Variants in OSBPL3 observed in about 807,000 individuals in gnomAD.
The protein encoded by OSBPL3 is oxysterol-binding protein-related protein 3.
OSBPL3 carries 65 observed loss-of-function variants against 120.1 expected under a neutral mutation model. The observed-to-expected ratio is 0.54, with a 90% CI of 0.44 to 0.67. The LOEUF (loss-of-function observed/expected upper bound fraction) is 0.67. Among genes scored for constraint, OSBPL3 ranks in the 30% least tolerant of loss-of-function variants. The pLI is 0.00. For missense variants in OSBPL3, 1,004 were observed against 1,082.1 expected (o/e 0.93, Z 1.01); for synonymous variants, 416 against 402.6 (o/e 1.03, Z -0.40).
Position 24,918,185 on chromosome 7 carries a change from A to G in OSBPL3, c.-149-25564T>C, listed in dbSNP as rs975899455. 1 of 413,636 alleles carries G rather than the reference A, an allele frequency of 2.4e-6. No individual in the cohort carries two copies. Among genetic ancestry groups the G allele is most frequent in the Non-Finnish European group, 3.3e-6 (1 of 307,446 alleles). The allele number at this position is 413,636 out of a possible 1,614,324, so 25.6% of individuals were successfully genotyped here. A position where few individuals can be genotyped will look rare whatever the true frequency, so the allele number is the denominator to read the frequency against. On this transcript the variant is annotated intron_variant, in intron 1 of 22. Coordinates refer to ENST00000313367, the MANE Select transcript of OSBPL3 (RefSeq NM_015550.4). The surrounding 1 kb of genome is among the most constrained non-coding windows in gnomAD (Gnocchi z 4.3). Reference sequence around the variant, plus strand: ...GTTTCATGTACAGACCTGAGAGGTCAAGAGAGTCATGAGAAACTGACCATC... The same window carrying G: ...GTTTCATGTACAGACCTGAGAGGTCGAGAGAGTCATGAGAAACTGACCATC...
chr7:24,810,709 C>A (rs977382615), intron 19 of OSBPL3, among the ~76,000 whole-genome samples: 1 of 152,140 alleles, frequency 6.6e-6, no homozygotes, highest in African/African-American at 2.4e-5. Flanking sequence ...CCTGGCAAAC[C>A]CATATCAACC....
At chr7:24,846,544 T>C (rs1798471329) in intron 12 of OSBPL3, among the ~76,000 whole-genome samples, 1 of 152,222 alleles carries the variant, frequency 6.6e-6, no homozygotes, top group African/African-American at 2.4e-5. Context: ...TAAATGGACA[T>C]TGGATGTAGT....
rs1795210567 is a variant in OSBPL3, at chr7:24,822,210, T to C, written c.1885-1972A>G. 6.6e-6 allele frequency among the ~76,000 whole-genome samples: 1 copy of C among 152,184 alleles called. No individual in the cohort carries two copies. Among genetic ancestry groups the C allele is most frequent in the Non-Finnish European group, 1.5e-5 (1 of 68,036 alleles). ...AAAAATCCTACCACTTGGAGATACC[T>C]TATATTAAAAAATGCTACATTCTTC... On this transcript the variant is annotated intron_variant, in intron 16 of 22. Coordinates refer to ENST00000313367, the MANE Select transcript of OSBPL3 (RefSeq NM_015550.4). The surrounding 1 kb of genome is among the most constrained non-coding windows in gnomAD (Gnocchi z 5.8).
At position 24,822,089 on chromosome 7, in the gene OSBPL3, G is replaced by A. The variant is rs1248220352; in HGVS notation, c.1885-1851C>T. Among the ~76,000 whole-genome samples, 1 of 152,072 alleles carries A rather than the reference G, an allele frequency of 6.6e-6. No individual in the cohort carries two copies. Among genetic ancestry groups the A allele is most frequent in the Non-Finnish European group, 1.5e-5 (1 of 68,022 alleles). ...GGGTCATGCTATGTTGCCCAGACTG[G>A]TCCGGAACTCCTGGCCTCAAGTGAT... On this transcript the variant is annotated intron_variant, in intron 16 of 22. Transcript: ENST00000313367. This position sits in a 1 kb window ranked among gnomAD's most constrained non-coding sequence, Gnocchi z 5.8.
At position 24,813,257 on chromosome 7, in the gene OSBPL3, G is replaced by A. The variant is rs1038742147; in HGVS notation, c.2172+1802C>T. On this transcript the variant is annotated intron_variant, in intron 19 of 22. Transcript: ENST00000313367. This position sits in a 1 kb window ranked among gnomAD's most constrained non-coding sequence, Gnocchi z 4.5. ...ACAAATCCAGTGCTGAGAATTTGCT[G>A]GAAGCCACCAAGGGACACTGTCACC... Among the ~76,000 whole-genome samples, 12 of 152,100 alleles carry A rather than the reference G, an allele frequency of 7.9e-5. No homozygotes were observed. Among genetic ancestry groups the A allele is most frequent in the Admixed American group, 7.9e-4 (12 of 15,278 alleles).
At chr7:24,979,689 T>A (rs1818029840) in intron 1 of OSBPL3, among the ~76,000 whole-genome samples, 197 bp downstream of exon 1, 1 of 151,868 alleles carries the variant, frequency 6.6e-6, no homozygotes, top group Admixed American at 6.5e-5. Context: ...GGGTCCTCCT[T>A]CCCCGGGAGC....
At chr7:24,902,525 C>G (rs1807189655) in intron 1 of OSBPL3, among the ~76,000 whole-genome samples, 1 of 152,004 alleles carries the variant, frequency 6.6e-6, no homozygotes, top group Admixed American at 6.6e-5. Flanking sequence ...TGTATCTGCT[C>G]CCCATGAGGC....
chr7:24,861,918 G>A lies in OSBPL3; in HGVS notation c.871-149C>T, dbSNP rs546689558. 352 of 482,224 alleles carry A rather than the reference G, an allele frequency of 7.3e-4. 1 individual carries two copies. Among genetic ancestry groups the A allele is most frequent in the African/African-American group, 7.0e-3 (330 of 46,818 alleles). The allele number at this position is 482,224 out of a possible 1,614,324, so 29.9% of individuals were successfully genotyped here. A position where few individuals can be genotyped will look rare whatever the true frequency, so the allele number is the denominator to read the frequency against. The stretch of plus-strand genomic sequence containing the variant: ...TTTTTTTTGGGGGGGATGGAGTCTC[G>A]CTCTGCCACCCAGGCTGGAGTGCAG... On this transcript the variant is annotated intron_variant, in intron 9 of 22. Transcript: ENST00000313367.
chr7:24,951,107 C>T lies in OSBPL3; in HGVS notation c.-150+28779G>A, dbSNP rs191391012. On this transcript the variant is annotated intron_variant, in intron 1 of 22. Transcript: ENST00000313367. ...AGCCCCAACAAAAAGAAAGAATCTC[C>T]CAAATCAAATTATTGATTGTAGCAT... is the stretch of plus-strand genomic sequence containing the variant. Among the ~76,000 whole-genome samples the T allele has an allele frequency of 1.9e-3, 296 of 152,136 alleles. 1 individual carries two copies. Among genetic ancestry groups the T allele is most frequent in the Non-Finnish European group, 2.1e-3 (146 of 68,002 alleles).
intron 1 of OSBPL3, among the ~76,000 whole-genome samples, chr7:24,963,909 G>C (rs1277772227): frequency 6.6e-6 from 1 of 152,038 alleles, no homozygotes; most frequent in Admixed American, 6.5e-5. Flanking sequence ...TACAAGATTA[G>C]CCTGAGTACC....
At chr7:24,840,491 A>G (rs1313941690) in intron 14 of OSBPL3, among the ~76,000 whole-genome samples, 199 bp downstream of exon 14, 1 of 152,232 alleles carries the variant, frequency 6.6e-6, no homozygotes, top group Non-Finnish European at 1.5e-5. Context: ...TACAGCCTCA[A>G]ATACACATAA....
rs1475234867 is a variant in OSBPL3 at position 24,932,965 on chromosome 7, C to T, written c.-149-40344G>A. ...AATGCCATGTTACAAACCAGTGAAC[C>T]GTCTTTCCTCCATATTCAAATTCCA... On this transcript the variant is annotated intron_variant, in intron 1 of 22. Transcript: ENST00000313367. This position sits in a 1 kb window ranked among gnomAD's most constrained non-coding sequence, Gnocchi z 5.6. Among the ~76,000 whole-genome samples the T allele has an allele frequency of 6.6e-6, 1 of 152,242 alleles. No homozygotes were observed. The highest frequency in any genetic ancestry group is 2.4e-5 in the African/African-American group (1 of 41,458).
At chr7:24,923,251 G>C (rs990106633) in intron 1 of OSBPL3, among the ~76,000 whole-genome samples, 6 of 152,232 alleles carry the variant, frequency 3.9e-5, no homozygotes, top group African/African-American at 1.4e-4. Flanking sequence ...GTCAGAGCTA[G>C]AAGAGCGTCT....
rs1802367192 is a variant in OSBPL3, at chr7:24,872,906, G to A, written c.97-837C>T. 6.6e-6 allele frequency among the ~76,000 whole-genome samples: 1 copy of A among 152,026 alleles called. No homozygotes were observed. Among genetic ancestry groups the A allele is most frequent in the African/African-American group, 2.4e-5 (1 of 41,402 alleles). ...CTAATCACCCCAAGATAAACCAAAA[G>A]TAGCAATACTTCAGTGACTGGGAGA... On this transcript the variant is annotated intron_variant, in intron 2 of 22. Transcript: ENST00000313367. This position sits in a 1 kb window ranked among gnomAD's most constrained non-coding sequence, Gnocchi z 4.1.
chr7:24,915,419 A>G (rs1480476833), intron 1 of OSBPL3, among the ~76,000 whole-genome samples: 1 of 152,208 alleles, frequency 6.6e-6, no homozygotes, highest in African/African-American at 2.4e-5. Context: ...CAACCTCTTT[A>G]GAAGACAGTT....
rs1361774185 is a variant in OSBPL3 at position 24,955,887 on chromosome 7, G to A, written c.-150+23999C>T. On this transcript the variant is annotated intron_variant, in intron 1 of 22. Transcript: ENST00000313367. This position sits in a 1 kb window ranked among gnomAD's most constrained non-coding sequence, Gnocchi z 4.3. ...ATTGAGCTTCTTCAGCACAGCCACTGCTGTGCAGTTTAGTCACTGATCTTT... is the reference window on the plus strand; with the variant it reads ...ATTGAGCTTCTTCAGCACAGCCACTACTGTGCAGTTTAGTCACTGATCTTT... 1.3e-5 allele frequency among the ~76,000 whole-genome samples: 2 copies of A among 152,366 alleles called. No homozygotes were observed. Among genetic ancestry groups the A allele is most frequent in the African/African-American group, 2.4e-5 (1 of 41,584 alleles).
In OSBPL3 at chr7:24,842,357, T is replaced by A; in HGVS notation, c.1323A>T (p.Arg441Ser). 2 of 1,612,568 alleles carry A rather than the reference T, an allele frequency of 1.2e-6. No individual in the cohort carries two copies. The highest frequency in any genetic ancestry group is 1.7e-6 in the Non-Finnish European group (2 of 1,179,118). Residue 441 changes from arginine to serine, a missense_variant, in exon 13 of 23, where the codon AGA becomes AGT. Physicochemically the swap from Arg to Ser is moderately radical, Grantham distance 110. Around this residue, in one of 4 missense-constraint regions of OSBPL3, gnomAD observed 473 missense variants for 568.0 expected, o/e 0.83. Transcript: ENST00000313367. ...CAGAAAGGGAGTCAGTGATGGAGAGTCTACTTTCATTAGAAAGCTGATGAA... is the reference window on the plus strand; with the variant it reads ...CAGAAAGGGAGTCAGTGATGGAGAGACTACTTTCATTAGAAAGCTGATGAA... ...ALVHQLSNES[R>S]LSITDSLSEF...
chr7:24,841,940 G>A (rs1206423724), intron 13 of OSBPL3, among the ~76,000 whole-genome samples: 1 of 151,672 alleles, frequency 6.6e-6, no homozygotes, highest in African/African-American at 2.4e-5. Flanking sequence ...TTGAACCTGG[G>A]AGCCGGAGGT....
chr7:24,827,913 T>C lies in OSBPL3; in HGVS notation c.1884+2855A>G, dbSNP rs574494926. On this transcript the variant is annotated intron_variant, in intron 16 of 22. Coordinates refer to ENST00000313367, the MANE Select transcript of OSBPL3 (RefSeq NM_015550.4). The surrounding 1 kb of genome is among the most constrained non-coding windows in gnomAD (Gnocchi z 5.1). ...TTGTACTAGAAGTGGAGATATAGCA[T>C]ATCTTATTTGAACATAAGAAAGTAT... Among the ~76,000 whole-genome samples the C allele has an allele frequency of 1.1e-3, 174 of 152,332 alleles. No individual in the cohort carries two copies. Among genetic ancestry groups the C allele is most frequent in the Non-Finnish European group, 1.7e-3 (119 of 68,032 alleles).
Sources: allele counts gnomAD v4.1 joint callset (sites outside exome capture counted in the v4.1 genomes callset), GRCh38; gene constraint gnomAD v4.1.1; regional missense constraint gnomAD v4.1.1; non-coding constraint Gnocchi (gnomAD v3.1); transcripts MANE v1.5; gene names NCBI Gene and HGNC (gene_info 2026-07-23, HGNC 2026-07-21).